CSMD1: variants seen among roughly 807,000 people sequenced by gnomAD.
The protein encoded by CSMD1 is CUB and sushi domain-containing protein 1.
In CSMD1, 213 loss-of-function variants were observed where a neutral mutation model predicts 417.5. That is an observed-to-expected ratio of 0.51 (90% CI 0.46 to 0.57). CSMD1 has a LOEUF of 0.57. Ranked by LOEUF, CSMD1 falls within the 20% of genes least tolerant of loss-of-function variation. The pLI is 0.00. For synonymous variants in CSMD1, 2,862 were observed against 1,736.8 expected (o/e 1.65, Z -16.11); for missense variants, 6,923 against 4,529.7 (o/e 1.53, Z -15.17).
At chr8:3,123,706 C>T (rs1817336693) in intron 41 of CSMD1, among the ~76,000 whole-genome samples, 2 of 152,152 alleles carry the variant, frequency 1.3e-5, no homozygotes, top group Non-Finnish European at 2.9e-5. Flanking sequence ...AAGATTTCAT[C>T]CACGAATTAG....
At chr8:3,741,408 C>T (rs1477344529) in intron 6 of CSMD1, among the ~76,000 whole-genome samples, 1 of 152,030 alleles carries the variant, frequency 6.6e-6, no homozygotes, top group Admixed American at 6.6e-5. Flanking sequence ...GCCAGGTTAT[C>T]CCATCCAGCT....
chr8:3,789,205 T>C (rs1253129214), intron 5 of CSMD1, among the ~76,000 whole-genome samples: 1 of 152,088 alleles, frequency 6.6e-6, no homozygotes, highest in East Asian at 1.9e-4. Context: ...AAGCGCTGTG[T>C]ATGAGCAAGA....
In CSMD1 at chr8:4,203,191, G is replaced by T. The variant is rs551954718; in HGVS notation, c.416-171092C>A. On this transcript the variant is annotated intron_variant, in intron 3 of 69. Coordinates refer to ENST00000635120, the MANE Select transcript of CSMD1 (RefSeq NM_033225.6). ...ATGTCATTTAAAAAATCGTCAGTGA[G>T]ATGCAACCTTGCTGGCTTTGAAGAT... Among the ~76,000 whole-genome samples the T allele has an allele frequency of 1.2e-3, 189 of 152,290 alleles. 1 individual carries two copies. The highest frequency in any genetic ancestry group is 2.1e-3 in the Non-Finnish European group (146 of 68,036).
intron 52 of CSMD1, among the ~76,000 whole-genome samples, chr8:3,001,331 T>A (rs1478316800): frequency 1.3e-5 from 2 of 152,140 alleles, no homozygotes; most frequent in Non-Finnish European, 1.5e-5. Flanking sequence ...TCTGCCTCTT[T>A]ACTGCTCTCA....
chr8:4,563,131 G>C (rs559596999), intron 2 of CSMD1, among the ~76,000 whole-genome samples: 14 of 152,176 alleles, frequency 9.2e-5, no homozygotes, highest in Non-Finnish European at 2.1e-4. Context: ...GCCGGGCACA[G>C]TGACTCATGC....
chr8:3,873,605 T>C (rs980820032), intron 5 of CSMD1, among the ~76,000 whole-genome samples: 2 of 152,086 alleles, frequency 1.3e-5, no homozygotes, highest in African/African-American at 4.8e-5. Context: ...TAATGGGTAC[T>C]CGGCATAATA....
chr8:4,281,997 G>A (rs931921860), intron 3 of CSMD1, among the ~76,000 whole-genome samples: 1 of 152,212 alleles, frequency 6.6e-6, no homozygotes, highest in Non-Finnish European at 1.5e-5. Flanking sequence ...CTATAGCAAG[G>A]TGAATTCATG....
At chr8:4,673,901 T>C (rs571343511) in intron 1 of CSMD1, among the ~76,000 whole-genome samples, 1 of 152,210 alleles carries the variant, frequency 6.6e-6, no homozygotes, top group African/African-American at 2.4e-5. Context: ...TGCTGAAAGA[T>C]ACAGGGTTTG....
At chr8:4,123,702 C>T (rs191700121) in intron 3 of CSMD1, among the ~76,000 whole-genome samples, 32 of 152,212 alleles carry the variant, frequency 2.1e-4, no homozygotes, top group Admixed American at 4.6e-4. Flanking sequence ...ATGGTTTTAT[C>T]ACATTTGGAA....
intron 10 of CSMD1, among the ~76,000 whole-genome samples, chr8:3,556,602 T>G (rs535106970): frequency 6.6e-6 from 1 of 151,640 alleles, no homozygotes; most frequent in Admixed American, 6.6e-5. Context: ...TATCATTGCC[T>G]TTAGGGCTGG....
At chr8:4,587,547 G>T (rs1316365310) in intron 2 of CSMD1, among the ~76,000 whole-genome samples, 1 of 151,904 alleles carries the variant, frequency 6.6e-6, no homozygotes, top group African/African-American at 2.4e-5. Flanking sequence ...AACACCTAAG[G>T]AAATTTATTT....
intron 2 of CSMD1, among the ~76,000 whole-genome samples, chr8:4,581,970 G>A (rs1218386412): frequency 6.6e-6 from 1 of 152,022 alleles, no homozygotes; most frequent in Non-Finnish European, 1.5e-5. Flanking sequence ...GCATTTGATG[G>A]AAGACAAACG....
At chr8:3,933,297 A>G (rs1264235084) in intron 5 of CSMD1, among the ~76,000 whole-genome samples, 1 of 152,192 alleles carries the variant, frequency 6.6e-6, no homozygotes, top group African/African-American at 2.4e-5. Flanking sequence ...TCACTTTAAA[A>G]TATATTTATT....
intron 3 of CSMD1, among the ~76,000 whole-genome samples, chr8:4,133,350 C>T (rs1448450192): frequency 6.6e-6 from 1 of 152,192 alleles, no homozygotes; most frequent in East Asian, 1.9e-4. Flanking sequence ...GCATGGTAAG[C>T]ACTTCACAAA....
intron 10 of CSMD1, among the ~76,000 whole-genome samples, chr8:3,573,716 T>G (rs1266039653): frequency 3.9e-5 from 6 of 152,154 alleles, no homozygotes; most frequent in Admixed American, 2.0e-4. Flanking sequence ...GATGGATATT[T>G]TGACAAAATG....
intron 1 of CSMD1, among the ~76,000 whole-genome samples, chr8:4,731,309 T>A (rs774495615): frequency 2.6e-5 from 4 of 152,168 alleles, no homozygotes; most frequent in Non-Finnish European, 5.9e-5. Context: ...GTCTTTGGAA[T>A]CAGCAGTTTT....
chr8:4,001,978 TAC>T (rs1422975582), intron 4 of CSMD1, among the ~76,000 whole-genome samples: 1 of 152,192 alleles, frequency 6.6e-6, no homozygotes, highest in African/African-American at 2.4e-5. Flanking sequence ...CGGAATGAGT[TAC>T]AGTTAGAATC....
intron 10 of CSMD1, among the ~76,000 whole-genome samples, chr8:3,523,731 T>A (rs1207127339): frequency 4.2e-5 from 5 of 117,842 alleles, no homozygotes; most frequent in East Asian, 5.1e-4. Flanking sequence ...GCATGCACAC[T>A]CAGAGACACA....
intron 1 of CSMD1, among the ~76,000 whole-genome samples, chr8:4,914,639 T>G (rs1805932054): frequency 6.6e-6 from 1 of 151,334 alleles, no homozygotes; most frequent in African/African-American, 2.4e-5. Flanking sequence ...CTTTAACTTC[T>G]GCAAGTTTTG....
Sources: gnomAD v4.1 joint callset for allele counts (sites outside exome capture counted in the v4.1 genomes callset) on GRCh38, gnomAD v4.1.1 for gene constraint, MANE v1.5 for transcripts, NCBI Gene and HGNC (gene_info 2026-07-23, HGNC 2026-07-21) for gene names.